The following RNF157 variants were observed in gnomAD, a reference collection of about 807,000 sequenced individuals.
RNF157 encodes the protein E3 ubiquitin ligase RNF157.
In RNF157, 55 loss-of-function variants were observed where a neutral mutation model predicts 88.3. That is an observed-to-expected ratio of 0.62 (90% CI 0.50 to 0.78). The LOEUF is 0.78. RNF157 is among the 30% of genes least tolerant of loss of function. RNF157 has a pLI of 0.00. For missense variants in RNF157, 788 were observed against 860.8 expected, an observed-to-expected ratio of 0.92 and a Z score of 1.06; for synonymous variants, 334 against 341.2, an observed-to-expected ratio of 0.98 and a Z score of 0.23.
intron 2 of RNF157, among the ~76,000 whole-genome samples, chr17:76,202,171 C>T (rs1263078923): frequency 1.3e-5 from 2 of 150,878 alleles, no homozygotes; most frequent in South Asian, 2.1e-4. Context: ...CACACACACA[C>T]GTGCATGAGA....
chr17:76,156,414 G>A, intron 13 of RNF157, 93 bp from the exon 14 acceptor site: 1 of 1,565,372 alleles, frequency 6.4e-7, no homozygotes, highest in Non-Finnish European at 8.6e-7. Context: ...GGGTAGAGAT[G>A]AGGAGGAAAG....
intron 2 of RNF157, among the ~76,000 whole-genome samples, chr17:76,182,959 C>T (rs534045288): frequency 7.3e-5 from 11 of 151,260 alleles, no homozygotes; most frequent in Non-Finnish European, 1.3e-4. Flanking sequence ...GGTTACTTTT[C>T]GCTCTTGTTG....
intron 7 of RNF157, among the ~76,000 whole-genome samples, chr17:76,165,063 A>T (rs2068901321): frequency 6.6e-6 from 1 of 152,170 alleles, no homozygotes; most frequent in African/African-American, 2.4e-5. Flanking sequence ...TAACTTATGA[A>T]TTAAACTTTA....
At chr17:76,237,987 G>A (rs2070310209) in intron 1 of RNF157, among the ~76,000 whole-genome samples, 1 of 151,880 alleles carries the variant, frequency 6.6e-6, no homozygotes, top group African/African-American at 2.4e-5. Flanking sequence ...GGGAGACTGA[G>A]GCGGGAGAAT....
In RNF157 at chr17:76,197,593, G is replaced by A. The variant is rs533439592; in HGVS notation, c.207+14771C>T. On this transcript the variant is annotated intron_variant, in intron 2 of 18. Transcript: ENST00000269391. ...CTTATTTATTAATTTATTTGAGATA[G>A]GGTCTCAATATGGTACCCAGGCTTG... 2.6e-5 allele frequency among the ~76,000 whole-genome samples: 4 copies of A among 152,266 alleles called. No individual in the cohort carries two copies. The East Asian group carries it at 5.8e-4, about 22-fold the overall frequency.
chr17:76,165,882 T>C (rs1028025021), intron 6 of RNF157, among the ~76,000 whole-genome samples: 7 of 152,138 alleles, frequency 4.6e-5, no homozygotes, highest in South Asian at 4.2e-4. Context: ...TTCACTATGT[T>C]GGTCAGGCTG....
At chr17:76,151,263 G>T (rs779099510) in intron 18 of RNF157, among the ~76,000 whole-genome samples, 16 of 152,244 alleles carry the variant, frequency 1.1e-4, no homozygotes, top group Non-Finnish European at 1.9e-4. Flanking sequence ...AATAGAAAAT[G>T]ACTCAAGAAA....
chr17:76,219,700 G>A (rs1415892859), intron 1 of RNF157, among the ~76,000 whole-genome samples: 1 of 152,116 alleles, frequency 6.6e-6, no homozygotes, highest in Non-Finnish European at 1.5e-5. Context: ...GAACCTAGGT[G>A]TGTGTGTAGT....
chr17:76,164,625 G>T, intron 8 of RNF157, 123 bp downstream of exon 8: 17 of 416,576 alleles, frequency 4.1e-5, no homozygotes, highest in East Asian at 8.2e-5. Context: ...AAAAAAAAAA[G>T]AGGAAAAGGA....
At chr17:76,227,703 C>A (rs1333125977) in intron 1 of RNF157, among the ~76,000 whole-genome samples, 2 of 151,826 alleles carry the variant, frequency 1.3e-5, no homozygotes, top group South Asian at 4.2e-4. Context: ...CATGGAGAAA[C>A]CCTGTCTCTA....
intron 17 of RNF157, 50 bp from the exon 18 acceptor site, chr17:76,152,515 G>A (rs1272148332): frequency 1.8e-6 from 2 of 1,085,124 alleles, no homozygotes; most frequent in South Asian, 2.5e-5. Context: ...GTTTTTCTCT[G>A]CGTTGCTGTC....
At chr17:76,148,606 A>C (rs1470615027) in intron 18 of RNF157, among the ~76,000 whole-genome samples, 1 of 117,646 alleles carries the variant, frequency 8.5e-6, no homozygotes, top group Non-Finnish European at 1.8e-5. Context: ...ACTCCATCTC[A>C]GCCTCCCAGG....
chr17:76,208,335 A>T (rs1755069349), intron 2 of RNF157, among the ~76,000 whole-genome samples: 1 of 152,194 alleles, frequency 6.6e-6, no homozygotes, highest in Non-Finnish European at 1.5e-5. Context: ...AATTAGCAAA[A>T]ATGGCAGCAT....
At chr17:76,152,139 T>C (rs1004728626) in intron 18 of RNF157, among the ~76,000 whole-genome samples, 47 of 152,210 alleles carry the variant, frequency 3.1e-4, no homozygotes, top group African/African-American at 1.1e-3. Context: ...CCTATCCTAA[T>C]ACTCTCACTC....
intron 2 of RNF157, among the ~76,000 whole-genome samples, chr17:76,186,115 C>T (rs772179370): frequency 6.6e-6 from 1 of 151,772 alleles, no homozygotes; most frequent in African/African-American, 2.4e-5. Flanking sequence ...TCCCTACTCT[C>T]TATTTCAAAA....
rs1325035706 is a variant in RNF157, at chr17:76,164,775, A to C, written c.693T>G (p.Cys231Trp). The C allele has an allele frequency of 6.2e-7, 1 of 1,611,852 alleles. No individual in the cohort carries two copies. The highest frequency in any genetic ancestry group is 1.3e-5 in the African/African-American group (1 of 74,868). The change falls in exon 8 of 19, where the codon TGT (cysteine) becomes TGG (tryptophan). Residue 231 changes from cysteine (C) to tryptophan (W), a missense_variant. Cys to Trp is a radical substitution (Grantham distance 215). Transcript: ENST00000269391. ...TFEKHTDGTF[C>W]VKPLKQKQVV... ...CTTGTTTCTGTTTGAGGGGCTTGAC[A>C]CAGAAAGTTCCATCTGTGTGCTGGA...
At chr17:76,183,525 G>T (rs542235744) in intron 2 of RNF157, among the ~76,000 whole-genome samples, 1 of 151,824 alleles carries the variant, frequency 6.6e-6, no homozygotes. Flanking sequence ...TATTCACTGT[G>T]ACCATAGTGC....
intron 1 of RNF157, chr17:76,225,842 T>C: frequency 6.2e-7 from 1 of 1,610,946 alleles, no homozygotes; most frequent in Non-Finnish European, 8.5e-7. Flanking sequence ...ATCTGCCCTC[T>C]CTTTTAGAGC....
chr17:76,194,830 A>G (rs1286875785), intron 2 of RNF157, among the ~76,000 whole-genome samples: 10 of 152,142 alleles, frequency 6.6e-5, no homozygotes, highest in Admixed American at 6.6e-5. Flanking sequence ...CCTGGCTAAC[A>G]TGGTGAAACC....
Sources: gnomAD v4.1 joint callset for allele counts (sites outside exome capture counted in the v4.1 genomes callset) on GRCh38, gnomAD v4.1.1 for gene constraint, MANE v1.5 for transcripts, NCBI Gene and HGNC (gene_info 2026-07-23, HGNC 2026-07-21) for gene names.